DLGAP1: variants seen among roughly 807,000 people sequenced by gnomAD.
The protein encoded by DLGAP1 is disks large-associated protein 1.
Under a neutral mutation model 90.8 loss-of-function variants are expected in DLGAP1, and 11 were observed. That is an observed-to-expected ratio of 0.12 (90% CI 0.08 to 0.20). The LOEUF (loss-of-function observed/expected upper bound fraction) is 0.20. Ranked by LOEUF, DLGAP1 falls within the 10% of genes least tolerant of loss-of-function variation. The pLI is 1.00. For synonymous variants in DLGAP1, 558 were observed against 540.7 expected, an observed-to-expected ratio of 1.03 and a Z score of -0.44; for missense variants, 1,050 against 1,333.8, an observed-to-expected ratio of 0.79 and a Z score of 3.31.
At chr18:4,218,644 T>C (rs759539752) in intron 1 of DLGAP1, among the ~76,000 whole-genome samples, 1 of 152,018 alleles carries the variant, frequency 6.6e-6, no homozygotes, top group Non-Finnish European at 1.5e-5. Context: ...CAGCTTCTGA[T>C]AGTCATCATT....
intron 1 of DLGAP1, among the ~76,000 whole-genome samples, chr18:4,190,079 C>T (rs192157777): frequency 3.3e-5 from 5 of 152,112 alleles, no homozygotes; most frequent in African/African-American, 1.2e-4. Context: ...TATGTCCACA[C>T]AAAAACCTGC....
chr18:4,157,104 T>C (rs891418924), intron 1 of DLGAP1, among the ~76,000 whole-genome samples: 2 of 152,084 alleles, frequency 1.3e-5, no homozygotes, highest in Non-Finnish European at 2.9e-5. Flanking sequence ...CGGGGACATG[T>C]CTTGTCTGAG....
At chr18:4,163,873 T>G (rs2076888975) in intron 1 of DLGAP1, among the ~76,000 whole-genome samples, 1 of 152,204 alleles carries the variant, frequency 6.6e-6, no homozygotes, top group South Asian at 2.1e-4. Flanking sequence ...CAAATTTCCC[T>G]TCATTAAAAT....
At chr18:4,089,385 A>G (rs2075733793) in intron 2 of DLGAP1, among the ~76,000 whole-genome samples, 1 of 152,204 alleles carries the variant, frequency 6.6e-6, no homozygotes, top group African/African-American at 2.4e-5. Flanking sequence ...GCCCAAAGTA[A>G]TTTACAGATT....
At chr18:3,507,548 C>A (rs1490308983) in intron 11 of DLGAP1, among the ~76,000 whole-genome samples, 1 of 151,778 alleles carries the variant, frequency 6.6e-6, no homozygotes, top group Non-Finnish European at 1.5e-5. Context: ...AAAAACAAAC[C>A]CTCAAAAATC....
chr18:3,722,716 T>C (rs912339202), intron 7 of DLGAP1: 2 of 152,214 alleles, frequency 1.3e-5, no homozygotes, highest in African/African-American at 4.8e-5. Flanking sequence ...ATCTGTCCCT[T>C]TGACTTCTGA....
At chr18:4,242,841 A>G (rs949484898) in intron 1 of DLGAP1, among the ~76,000 whole-genome samples, 1 of 151,976 alleles carries the variant, frequency 6.6e-6, no homozygotes, top group African/African-American at 2.4e-5. Flanking sequence ...ACACATAGTA[A>G]CTCACAATGA....
chr18:3,646,405 G>T (rs2059117026), intron 7 of DLGAP1, among the ~76,000 whole-genome samples: 1 of 151,870 alleles, frequency 6.6e-6, no homozygotes, highest in African/African-American at 2.4e-5. Context: ...AAAAGAAAAA[G>T]ATAGGAAAAG....
intron 11 of DLGAP1, among the ~76,000 whole-genome samples, chr18:3,507,099 C>T (rs1361655107): frequency 6.6e-6 from 1 of 151,968 alleles, no homozygotes; most frequent in African/African-American, 2.4e-5. Flanking sequence ...TGGAGACTAC[C>T]ACCTTTTCCA....
chr18:3,589,054 G>A (rs1456458091), intron 7 of DLGAP1, among the ~76,000 whole-genome samples: 3 of 152,010 alleles, frequency 2.0e-5, no homozygotes, highest in Non-Finnish European at 4.4e-5. Flanking sequence ...CCAGCGTGGT[G>A]GCAGGCGCCT....
intron 2 of DLGAP1, among the ~76,000 whole-genome samples, chr18:4,080,714 C>T (rs2075593346): frequency 6.6e-6 from 1 of 152,182 alleles, no homozygotes; most frequent in African/African-American, 2.4e-5. Flanking sequence ...TCTTCTCTCC[C>T]TCCCATAACC....
intron 5 of DLGAP1, among the ~76,000 whole-genome samples, chr18:3,797,651 A>G (rs1687529134): frequency 6.6e-6 from 1 of 152,222 alleles, no homozygotes; most frequent in Admixed American, 6.5e-5. Flanking sequence ...ACAGTTTTAA[A>G]GCGGGAGGGA....
At position 3,561,259 on chromosome 18, in the gene DLGAP1, A is replaced by C. The variant is rs572843291; in HGVS notation, c.2057+6231T>G. On this transcript the variant is annotated intron_variant, in intron 9 of 12. Transcript: ENST00000315677. The stretch of plus-strand genomic sequence containing the variant: ...GGTGAAACACCGTCTCTACTAAAAA[A>C]AAAAAACAAAAAAAAAAAAACAAAC... Among the ~76,000 whole-genome samples the C allele has an allele frequency of 4.4e-4, 45 of 101,700 alleles. 2 individuals carry two copies. The highest frequency in any genetic ancestry group is 1.5e-3 in the East Asian group (3 of 2,018). 66.7% of individuals were successfully genotyped at this position (101,700 alleles called of 152,430 possible).
chr18:3,526,880 C>T lies in DLGAP1; in HGVS notation c.2479+7314G>A, dbSNP rs886605829. On this transcript the variant is annotated intron_variant, in intron 10 of 12. Transcript: ENST00000315677. The surrounding 1 kb of genome is among the most constrained non-coding windows in gnomAD (Gnocchi z 4.7). Reference sequence around the variant, plus strand: ...AGGGCTTCATTGTCTGAGAAGAGCTCGTATCATTTTACTTCAAGTGCTGCG... The same window carrying T: ...AGGGCTTCATTGTCTGAGAAGAGCTTGTATCATTTTACTTCAAGTGCTGCG... Among the ~76,000 whole-genome samples, 1 of 152,034 alleles carries T rather than the reference C, an allele frequency of 6.6e-6. No individual in the cohort carries two copies. The highest frequency in any genetic ancestry group is 2.1e-4 in the South Asian group (1 of 4,826).
rs1186996397 is a variant in DLGAP1 at position 4,095,017 on chromosome 18, T to G, written c.-159+56163A>C. 2.6e-5 allele frequency among the ~76,000 whole-genome samples: 4 copies of G among 152,200 alleles called. No homozygotes were observed. In the East Asian group the frequency reaches 7.7e-4, roughly 29 times the overall value. On this transcript the variant is annotated intron_variant, in intron 2 of 12. Coordinates refer to ENST00000315677, the MANE Select transcript of DLGAP1 (RefSeq NM_004746.4). The stretch of plus-strand genomic sequence containing the variant: ...TCCTCCATGCCCTTCTTCCCGTTCA[T>G]TCAGTCAGCAGTATCACCTTCAACC...
intron 1 of DLGAP1, among the ~76,000 whole-genome samples, chr18:4,235,290 A>G (rs545002468): frequency 6.6e-6 from 1 of 152,316 alleles, no homozygotes; most frequent in African/African-American, 2.4e-5. Context: ...GATTTTAAAA[A>G]TTCAAAAAGT....
intron 1 of DLGAP1, among the ~76,000 whole-genome samples, chr18:4,382,281 T>C (rs2082141116): frequency 6.6e-6 from 1 of 152,174 alleles, no homozygotes; most frequent in South Asian, 2.1e-4. Flanking sequence ...TCTTCATATA[T>C]ATAACGAGGA....
intron 5 of DLGAP1, among the ~76,000 whole-genome samples, chr18:3,756,926 A>C (rs945721522): frequency 6.6e-6 from 1 of 152,240 alleles, no homozygotes; most frequent in African/African-American, 2.4e-5. Flanking sequence ...CAGCTAAATA[A>C]ATTTAATTTT....
At chr18:4,399,559 T>C (rs1328994210) in intron 1 of DLGAP1, among the ~76,000 whole-genome samples, 2 of 152,218 alleles carry the variant, frequency 1.3e-5, no homozygotes, top group African/African-American at 4.8e-5. Flanking sequence ...TTTTTCACTA[T>C]TTTACAACGT....
Sources: gnomAD v4.1 joint callset for allele counts (sites outside exome capture counted in the v4.1 genomes callset) on GRCh38, gnomAD v4.1.1 for gene constraint, Gnocchi (gnomAD v3.1) non-coding constraint, MANE v1.5 for transcripts, NCBI Gene and HGNC (gene_info 2026-07-23, HGNC 2026-07-21) for gene names.